Variants in MAP4 observed in about 807,000 individuals in gnomAD.
MAP4 encodes microtubule associated protein 4.
MAP4 carries 76 observed loss-of-function variants against 170.2 expected under a neutral mutation model. The ratio of observed to expected loss-of-function variants is 0.45; its 90% confidence interval spans 0.37 to 0.54. The LOEUF is 0.54. Among genes scored for constraint, MAP4 ranks in the 20% least tolerant of loss-of-function variants. The pLI is 0.00. For missense variants in MAP4, 2,506 were observed against 2,748.0 expected, an observed-to-expected ratio of 0.91 and a Z score of 1.97; for synonymous variants, 909 against 994.5, an observed-to-expected ratio of 0.91 and a Z score of 1.62.
In MAP4 at chr3:47,929,333, G is replaced by A. The variant is rs184052408; in HGVS notation, c.293-983C>T. ...ATTGCGCCACTGCACTACAGCCTGG[G>A]TGACAGAGCAAGACTGTACCAACTC... is the stretch of plus-strand genomic sequence containing the variant. On this transcript the variant is annotated intron_variant, in intron 3 of 20. Transcript: ENST00000683076. 3.3e-5 allele frequency among the ~76,000 whole-genome samples: 5 copies of A among 152,242 alleles called. No homozygotes were observed. The East Asian group carries it at 7.7e-4, about 23-fold the overall frequency.
rs377304277 is a variant in MAP4, at chr3:47,991,891, G to C, written c.223+6747C>G. ...TCACCATGTTAGCCAGGCTGGTCTC[G>C]AACTCCTGACCTCAGGTGATCCACC... On this transcript the variant is annotated intron_variant, in intron 2 of 20. Coordinates refer to ENST00000683076, the MANE Select transcript of MAP4 (RefSeq NM_001385682.1). Among the ~76,000 whole-genome samples, 16 of 151,432 alleles carry C rather than the reference G, an allele frequency of 1.1e-4. No individual in the cohort carries two copies. The East Asian group carries it at 1.4e-3, about 13-fold the overall frequency.
chr3:47,975,365 G>T (rs1373158400), intron 3 of MAP4: 1 of 1,550,250 alleles, frequency 6.5e-7, no homozygotes, highest in Non-Finnish European at 8.7e-7. Flanking sequence ...GAAAAGCAAA[G>T]CTCTGCAAAA....
chr3:47,863,529 C>T (rs1466178707), intron 17 of MAP4, among the ~76,000 whole-genome samples: 1 of 152,026 alleles, frequency 6.6e-6, no homozygotes, highest in Non-Finnish European at 1.5e-5. Context: ...CTCTGTGGTC[C>T]TAGGAGCAAT....
chr3:48,066,316 G>T (rs1188143978), intron 1 of MAP4, among the ~76,000 whole-genome samples: 1 of 152,050 alleles, frequency 6.6e-6, no homozygotes, highest in Non-Finnish European at 1.5e-5. Context: ...TATCTTATAA[G>T]AAAGTTACAT....
chr3:47,956,976 A>G (rs1199773761), intron 3 of MAP4, among the ~76,000 whole-genome samples: 1 of 152,208 alleles, frequency 6.6e-6, no homozygotes, highest in Non-Finnish European at 1.5e-5. Flanking sequence ...ACCTGGTGGC[A>G]AGTTGATTAC....
At chr3:48,028,236 G>C (rs972548315) in intron 1 of MAP4, among the ~76,000 whole-genome samples, 3 of 152,148 alleles carry the variant, frequency 2.0e-5, no homozygotes, top group Non-Finnish European at 4.4e-5. Context: ...AGGTTGTAGC[G>C]AGCCAAAATC....
intron 3 of MAP4, chr3:47,973,002 G>A (rs1409570195): frequency 1.0e-6 from 1 of 984,096 alleles, no homozygotes; most frequent in Non-Finnish European, 1.2e-6. Context: ...CTAGAACTTG[G>A]GCCTCAAGTC....
At chr3:48,046,402 T>C (rs1200593500) in intron 1 of MAP4, among the ~76,000 whole-genome samples, 1 of 152,208 alleles carries the variant, frequency 6.6e-6, no homozygotes, top group Non-Finnish European at 1.5e-5. Context: ...TATTAGGGAA[T>C]TGGTATTATT....
intron 3 of MAP4, among the ~76,000 whole-genome samples, chr3:47,939,709 G>GC (rs2100055101): frequency 7.0e-6 from 1 of 142,820 alleles, no homozygotes; most frequent in African/African-American, 2.5e-5. Context: ...TAAAGAAATA[G>GC]TTTTTTTTTT....
At chr3:47,882,044 C>T (rs73087121) in intron 10 of MAP4, among the ~76,000 whole-genome samples, 1,801 of 152,228 alleles carry the variant, frequency 0.012, 21 homozygotes, top group Non-Finnish European at 0.019. Flanking sequence ...TTTGGGAGGC[C>T]GAGGTGGGCT....
intron 4 of MAP4, among the ~76,000 whole-genome samples, chr3:47,922,263 T>C (rs570228716): frequency 9.1e-4 from 139 of 152,296 alleles, no homozygotes; most frequent in Admixed American, 1.8e-3. Context: ...TTTCTTATTA[T>C]CCTATGATGA....
At chr3:47,904,437 G>A (rs1221480532) in intron 9 of MAP4, among the ~76,000 whole-genome samples, 3 of 151,604 alleles carry the variant, frequency 2.0e-5, no homozygotes, top group East Asian at 1.9e-4. Context: ...TGAGCCTCCT[G>A]AGTAGCTGGG....
chr3:47,889,691 T>C (rs896116435), intron 10 of MAP4, among the ~76,000 whole-genome samples: 2 of 152,174 alleles, frequency 1.3e-5, no homozygotes, highest in African/African-American at 4.8e-5. Flanking sequence ...TCTTCACTCA[T>C]GATCACCTAG....
chr3:47,950,944 A>G (rs997650203), intron 3 of MAP4, among the ~76,000 whole-genome samples: 1 of 152,178 alleles, frequency 6.6e-6, no homozygotes, highest in African/African-American at 2.4e-5. Context: ...GTGGTCTGTA[A>G]CTTGACAGTG....
At chr3:47,961,643 G>A (rs768997578) in intron 3 of MAP4, among the ~76,000 whole-genome samples, 3 of 152,090 alleles carry the variant, frequency 2.0e-5, no homozygotes, top group African/African-American at 2.4e-5. Context: ...CCTAGAGAGC[G>A]GGCATGATGA....
chr3:47,928,750 G>A lies in MAP4; in HGVS notation c.293-400C>T, dbSNP rs143818276. ...AGTGACTTCTAGGTTATGCAGGCACGAAGAGGGTAGTGATTTCTCCACATG... is the reference window on the plus strand; with the variant it reads ...AGTGACTTCTAGGTTATGCAGGCACAAAGAGGGTAGTGATTTCTCCACATG... On this transcript the variant is annotated intron_variant, in intron 3 of 20. Coordinates refer to ENST00000683076, the MANE Select transcript of MAP4 (RefSeq NM_001385682.1). Among the ~76,000 whole-genome samples the A allele has an allele frequency of 2.2e-4, 34 of 151,572 alleles. No homozygotes were observed. In the East Asian group the frequency reaches 5.4e-3, roughly 24 times the overall value.
intron 1 of MAP4, among the ~76,000 whole-genome samples, chr3:48,084,386 TAA>T (rs548681084): frequency 4.1e-4 from 43 of 104,298 alleles, no homozygotes; most frequent in Non-Finnish European, 3.2e-4. Context: ...ATCTCATCTC[TAA>T]AAAAAAAAAA....
chr3:47,939,147 T>C (rs962361458), intron 3 of MAP4, among the ~76,000 whole-genome samples: 1 of 152,152 alleles, frequency 6.6e-6, no homozygotes, highest in African/African-American at 2.4e-5. Flanking sequence ...AAGCCACCAC[T>C]TGGGCCTCAT....
At chr3:47,899,691 G>C (rs756156687) in intron 10 of MAP4, among the ~76,000 whole-genome samples, 4 of 152,224 alleles carry the variant, frequency 2.6e-5, no homozygotes, top group Non-Finnish European at 4.4e-5. Flanking sequence ...TCTGCTCAGT[G>C]AAAGGATGGG....
Sources: gnomAD v4.1 joint callset for allele counts (sites outside exome capture counted in the v4.1 genomes callset) on GRCh38, gnomAD v4.1.1 for gene constraint, MANE v1.5 for transcripts, NCBI Gene and HGNC (gene_info 2026-07-23, HGNC 2026-07-21) for gene names.